RORA: variants seen among roughly 807,000 people sequenced by gnomAD.
The protein encoded by RORA is RAR related orphan receptor A.
A neutral mutation model predicts 69.5 loss-of-function variants in RORA; 7 were observed. The ratio of observed to expected loss-of-function variants is 0.10; its 90% CI spans 0.06 to 0.19. RORA has a LOEUF of 0.19. RORA is among the 10% of genes least tolerant of loss of function. RORA has a pLI of 1.00. For missense variants in RORA, 457 were observed against 663.0 expected (o/e 0.69, Z 3.41); for synonymous variants, 261 against 240.8 (o/e 1.08, Z -0.78).
At chr15:61,210,511 A>G (rs760659130) in intron 1 of RORA, among the ~76,000 whole-genome samples, 1 of 152,250 alleles carries the variant, frequency 6.6e-6, no homozygotes, top group Non-Finnish European at 1.5e-5. Context: ...TCGAAACTGC[A>G]CAACCTCTAA....
intron 8 of RORA, 136 bp from the exon 9 acceptor site, chr15:60,501,205 A>C (rs2065320825): frequency 4.8e-6 from 3 of 623,796 alleles, no homozygotes; most frequent in South Asian, 2.1e-5. Flanking sequence ...AGGTGAAGAG[A>C]GATCTAGTGG....
chr15:60,643,419 C>T (rs907716962), intron 2 of RORA, among the ~76,000 whole-genome samples: 6 of 152,074 alleles, frequency 3.9e-5, no homozygotes, highest in Non-Finnish European at 8.8e-5. Context: ...ATTTCCTATT[C>T]GAGAGATTTC....
chr15:61,218,671 AACTC>A (rs1287153989), intron 1 of RORA, among the ~76,000 whole-genome samples: 14 of 35,180 alleles, frequency 4.0e-4, no homozygotes, highest in African/African-American at 1.2e-3. Flanking sequence ...TTACTAATAT[AACTC>A]ACACACACAC....
intron 1 of RORA, among the ~76,000 whole-genome samples, chr15:61,120,254 A>T (rs1006383752): frequency 1.3e-5 from 2 of 152,154 alleles, no homozygotes; most frequent in African/African-American, 4.8e-5. Flanking sequence ...GGCTTAAATC[A>T]CACCTCAATG....
chr15:60,950,529 G>A (rs12915817), intron 1 of RORA, among the ~76,000 whole-genome samples: 137,934 of 139,686 alleles, frequency 0.99, 68,136 homozygotes, highest in Middle Eastern at 1. Flanking sequence ...TCAGTGTGCC[G>A]TATTCAGGAA....
intron 1 of RORA, among the ~76,000 whole-genome samples, chr15:60,971,123 A>ATTT: frequency 6.6e-6 from 1 of 152,182 alleles, no homozygotes; most frequent in East Asian, 1.9e-4. Context: ...AGAGTCCAAA[A>ATTT]TGTCACCCAA....
chr15:60,823,192 T>C (rs890902774), intron 1 of RORA, among the ~76,000 whole-genome samples: 2 of 151,236 alleles, frequency 1.3e-5, no homozygotes, highest in African/African-American at 2.4e-5. Flanking sequence ...CTTCCTTCCT[T>C]CCTCCCTTCC....
At chr15:60,688,741 A>T (rs1377430870) in intron 1 of RORA, among the ~76,000 whole-genome samples, 1 of 152,196 alleles carries the variant, frequency 6.6e-6, no homozygotes, top group Non-Finnish European at 1.5e-5. Flanking sequence ...GCTTAGTACC[A>T]TGTATTTTAC....
At chr15:61,065,858 C>A (rs1001358536) in intron 1 of RORA, among the ~76,000 whole-genome samples, 3 of 152,206 alleles carry the variant, frequency 2.0e-5, no homozygotes, top group Non-Finnish European at 4.4e-5. Flanking sequence ...TTTAATCTGA[C>A]TACATTTCAT....
chr15:61,013,543 C>G (rs1486835722), intron 1 of RORA, among the ~76,000 whole-genome samples: 1 of 152,200 alleles, frequency 6.6e-6, no homozygotes, highest in Admixed American at 6.5e-5. Context: ...GTCGCTCACC[C>G]TGTAGCTGCA....
chr15:60,610,415 T>C (rs950660729), intron 2 of RORA, among the ~76,000 whole-genome samples: 1 of 151,856 alleles, frequency 6.6e-6, no homozygotes, highest in Non-Finnish European at 1.5e-5. Context: ...TCACCAGGGG[T>C]GACCTTCTGA....
chr15:60,670,822 GA>G (rs2070453601), intron 2 of RORA, among the ~76,000 whole-genome samples: 2 of 152,058 alleles, frequency 1.3e-5, no homozygotes, highest in Non-Finnish European at 2.9e-5. Context: ...CCTGGCCACA[GA>G]ATTGATAAAG....
intron 1 of RORA, among the ~76,000 whole-genome samples, chr15:60,682,944 G>A (rs1161054283): frequency 7.2e-5 from 11 of 152,180 alleles, no homozygotes; most frequent in Non-Finnish European, 2.9e-5. Context: ...GAACACGGTG[G>A]ATGACTTGGG....
At chr15:61,163,419 A>T (rs1024922212) in intron 1 of RORA, among the ~76,000 whole-genome samples, 1 of 152,210 alleles carries the variant, frequency 6.6e-6, no homozygotes, top group African/African-American at 2.4e-5. Context: ...AAATTCTGCC[A>T]GGTAAAGGCC....
At chr15:60,520,975 A>G (rs1250538941) in intron 3 of RORA, among the ~76,000 whole-genome samples, 3 of 152,208 alleles carry the variant, frequency 2.0e-5, no homozygotes, top group Middle Eastern at 3.2e-3. Context: ...TAGTGGCAGC[A>G]GATTACCATG....
intron 1 of RORA, among the ~76,000 whole-genome samples, chr15:61,219,468 G>A (rs138728036): frequency 2.4e-4 from 37 of 152,256 alleles, no homozygotes; most frequent in African/African-American, 8.2e-4. Context: ...CCAGCTATTC[G>A]GGAGGCTGAG....
chr15:61,200,781 G>T (rs943990389), intron 1 of RORA, among the ~76,000 whole-genome samples: 7 of 152,146 alleles, frequency 4.6e-5, no homozygotes, highest in Admixed American at 3.9e-4. Context: ...TCAGTCTAAT[G>T]CCCCAATCCC....
chr15:60,808,733 T>C (rs575546259), intron 1 of RORA, among the ~76,000 whole-genome samples: 1 of 149,932 alleles, frequency 6.7e-6, no homozygotes, highest in Admixed American at 6.7e-5. Flanking sequence ...AATTTATATA[T>C]ATGTTTATAA....
At chr15:61,067,001 AC>A (rs2078270525) in intron 1 of RORA, among the ~76,000 whole-genome samples, 1 of 151,832 alleles carries the variant, frequency 6.6e-6, no homozygotes, top group Non-Finnish European at 1.5e-5. Flanking sequence ...AATGGCTGTA[AC>A]CCTGATTTCA....
Sources: allele counts gnomAD v4.1 joint callset (sites outside exome capture counted in the v4.1 genomes callset), GRCh38; gene constraint gnomAD v4.1.1; transcripts MANE v1.5; gene names NCBI Gene and HGNC (gene_info 2026-07-23, HGNC 2026-07-21).